Variants in CDKN2A observed in about 807,000 individuals in gnomAD.
The protein encoded by CDKN2A is cyclin dependent kinase inhibitor 2A.
In CDKN2A, 3 loss-of-function variants were observed where a neutral mutation model predicts 11.1. The ratio of observed to expected loss-of-function variants is 0.27; its 90% CI spans 0.12 to 0.70. The LOEUF (loss-of-function observed/expected upper bound fraction) is 0.70. Ranked by LOEUF, CDKN2A falls within the 30% of genes least tolerant of loss-of-function variation. The pLI, the probability that CDKN2A is intolerant of heterozygous loss-of-function variation, is 0.77. For synonymous variants in CDKN2A, 122 were observed against 108.1 expected (o/e 1.13, Z -0.80); for missense variants, 265 against 233.6 (o/e 1.13, Z -0.88).
intron 2 of CDKN2A, among the ~76,000 whole-genome samples, chr9:21,980,958 CA>C (rs1221729826): frequency 1.3e-4 from 3 of 23,164 alleles, no homozygotes; most frequent in African/African-American, 2.6e-4. Context: ...GACTCCGTCT[CA>C]AAAAAAAAAA....
At position 21,968,504 on chromosome 9, in the gene CDKN2A, C is replaced by T. The variant is rs918245925; in HGVS notation, c.458-262G>A. ...TCCACCCGGCGGAGGGCAGAGAAAG[C>T]GCGACCGCGCGGCCCGCAGGGTTGC... On this transcript the variant is annotated intron_variant, in intron 2 of 2. Transcript: ENST00000304494. The surrounding 1 kb of genome is among the most constrained non-coding windows in gnomAD (Gnocchi z 4.7). 3 of 1,451,670 alleles carry T rather than the reference C, an allele frequency of 2.1e-6. No individual in the cohort carries two copies. Among genetic ancestry groups the T allele is most frequent in the East Asian group, 2.5e-5 (1 of 40,302 alleles). The allele number at this position is 1,451,670 out of a possible 1,614,324, so 89.9% of individuals were successfully genotyped here.
chr9:21,977,544 T>C (rs895128061), upstream of CDKN2A, among the ~76,000 whole-genome samples: 1 of 152,134 alleles, frequency 6.6e-6, no homozygotes, highest in Non-Finnish European at 1.5e-5. Context: ...TTTTGTATTA[T>C]TAGTAGAGAC....
chr9:21,990,611 T>TGAGAGAGAGAGAGA (rs60431211), intron 2 of CDKN2A, among the ~76,000 whole-genome samples: 3,889 of 89,572 alleles, frequency 0.043, 369 homozygotes, highest in Admixed American at 0.076. Flanking sequence ...ACTAATTTGG[T>TGAGAGAGAGAGAGA]GAGAGAGAGA....
upstream of CDKN2A, among the ~76,000 whole-genome samples, chr9:21,976,789 C>T (rs1820046667): frequency 6.6e-6 from 1 of 152,152 alleles, no homozygotes; most frequent in Non-Finnish European, 1.5e-5. Flanking sequence ...TATGGGCACC[C>T]TCCACCACCC....
chr9:21,982,468 C>T (rs1208343442), intron 2 of CDKN2A, among the ~76,000 whole-genome samples: 22 of 149,576 alleles, frequency 1.5e-4, no homozygotes, highest in Admixed American at 1.4e-3. Flanking sequence ...TATTCCTTAA[C>T]TTTTTTGTAA....
At chr9:21,987,951 C>A (rs778214126) in intron 2 of CDKN2A, among the ~76,000 whole-genome samples, 6 of 152,142 alleles carry the variant, frequency 3.9e-5, no homozygotes, top group African/African-American at 7.2e-5. Context: ...ATTTTCTGAA[C>A]GTGAACCCCA....
rs201314211 is a variant in CDKN2A, at chr9:21,971,199, T to A, written c.160A>T (p.Met54Leu). 2 of 1,597,750 alleles carry A rather than the reference T, an allele frequency of 1.3e-6. No individual in the cohort carries two copies. The highest frequency in any genetic ancestry group is 1.7e-6 in the Non-Finnish European group (2 of 1,179,016). Reference protein sequence around the residue: ...YGRRPIQVMMMGSARVAELLL... With the variant: ...YGRRPIQVMMLGSARVAELLL... Reference sequence around the variant, plus strand: ...AGCTCCGCCACTCGGGCGCTGCCCATCATCATGACCTGCCAGAGAGAACAG... The same window carrying A: ...AGCTCCGCCACTCGGGCGCTGCCCAACATCATGACCTGCCAGAGAGAACAG... Residue 54 changes from methionine (M) to leucine (L), a missense_variant, in exon 2 of 3, where the codon ATG becomes TTG. Physicochemically the swap from Met to Leu is conservative, Grantham distance 15. Coordinates refer to ENST00000304494, the MANE Select transcript of CDKN2A (RefSeq NM_000077.5).
At position 21,968,923 on chromosome 9, in the gene CDKN2A, A is replaced by T. The variant is rs577699281; in HGVS notation, c.458-681T>A. Among the ~76,000 whole-genome samples, 5 of 152,206 alleles carry T rather than the reference A, an allele frequency of 3.3e-5. No individual in the cohort carries two copies. Among genetic ancestry groups the T allele is most frequent in the African/African-American group, 1.2e-4 (5 of 41,536 alleles). ...AAGATTATTTTATTCCTGAGGGAGC[A>T]TTTGCACTTGAAAGTCTCTTTTTAC... On this transcript the variant is annotated intron_variant, in intron 2 of 2. Coordinates refer to ENST00000304494, the MANE Select transcript of CDKN2A (RefSeq NM_000077.5). The surrounding 1 kb of genome is among the most constrained non-coding windows in gnomAD (Gnocchi z 4.7).
upstream of CDKN2A, among the ~76,000 whole-genome samples, chr9:21,977,123 T>C (rs1165335583): frequency 6.6e-6 from 1 of 152,236 alleles, no homozygotes; most frequent in Non-Finnish European, 1.5e-5. Context: ...ATTTGGGATG[T>C]CAAGTATGTT....
chr9:21,989,649 C>CCCTCCAAAACATCTA (rs1242756035), intron 2 of CDKN2A: 1 of 152,164 alleles, frequency 6.6e-6, no homozygotes, highest in East Asian at 1.9e-4. Context: ...ATCTACCCAT[C>CCCTCCAAAACATCTA]CCCTCCAAAA....
intron 2 of CDKN2A, among the ~76,000 whole-genome samples, chr9:21,986,446 G>A (rs1164933279): frequency 1.3e-5 from 2 of 151,874 alleles, no homozygotes; most frequent in African/African-American, 4.8e-5. Context: ...GGGGTTAAGC[G>A]ACTTTCAAAA....
chr9:21,993,842 T>C, intron 2 of CDKN2A: 1 of 471,990 alleles, frequency 2.1e-6, no homozygotes, highest in Non-Finnish European at 3.9e-6. Context: ...TGTGTGTGTG[T>C]GTGTCTTAGT....
At chr9:21,973,839 T>TA (rs34325814) in intron 1 of CDKN2A, among the ~76,000 whole-genome samples, 5,668 of 152,314 alleles carry the variant, frequency 0.037, 141 homozygotes, top group Middle Eastern at 0.075. Flanking sequence ...CCTACTCAGT[T>TA]AAAAATAAAC....
At position 21,968,400 on chromosome 9, in the gene CDKN2A, C is replaced by T. The variant is rs1819515462; in HGVS notation, c.458-158G>A. The T allele has an allele frequency of 1.0e-6, 1 of 972,416 alleles. No individual in the cohort carries two copies. Among genetic ancestry groups the T allele is most frequent in the Non-Finnish European group, 1.2e-6 (1 of 818,006 alleles). The allele number at this position is 972,416 out of a possible 1,614,324, so 60.2% of individuals were successfully genotyped here. On this transcript the variant is annotated intron_variant, in intron 2 of 2. Transcript: ENST00000304494. This position sits in a 1 kb window ranked among gnomAD's most constrained non-coding sequence, Gnocchi z 4.7. ...TGCATGTACCCGCCGCCACCGCTCTCCCACACCTCCCTGGTCCAGCAGCTA... is the reference window on the plus strand; with the variant it reads ...TGCATGTACCCGCCGCCACCGCTCTTCCACACCTCCCTGGTCCAGCAGCTA...
intron 1 of CDKN2A, among the ~76,000 whole-genome samples, chr9:21,973,695 A>G (rs1587337183): frequency 6.6e-6 from 1 of 152,366 alleles, no homozygotes; most frequent in East Asian, 1.9e-4. Context: ...TATATCAAGT[A>G]AGCTAAAGAT....
intron 1 of CDKN2A, among the ~76,000 whole-genome samples, chr9:21,971,873 T>A (rs1192635308): frequency 6.6e-6 from 1 of 152,252 alleles, no homozygotes; most frequent in East Asian, 1.9e-4. Flanking sequence ...ATATTTGACA[T>A]TTTTGTCAAA....
intron 2 of CDKN2A, among the ~76,000 whole-genome samples, chr9:21,981,365 A>T (rs552670580): frequency 8.6e-5 from 13 of 151,254 alleles, no homozygotes; most frequent in Non-Finnish European, 1.9e-4. Context: ...AGTCTGGAAA[A>T]GCTCCCATAA....
At position 21,988,801 on chromosome 9, in the gene CDKN2A, C is replaced by T. The variant is rs3731202; in HGVS notation, c.-4+5081G>A. ...AGGCACTATATTTTTAAAAATACCA[C>T]TATGTACAAGGCACTGTGCTATATC... On this transcript the variant is annotated intron_variant, in intron 2 of 3. Transcript: ENST00000494262. The surrounding 1 kb of genome is among the most constrained non-coding windows in gnomAD (Gnocchi z 4.1). 0.016 allele frequency among the ~76,000 whole-genome samples: 2,392 copies of T among 152,272 alleles called. 64 individuals are homozygous for T. The highest frequency in any genetic ancestry group is 0.053 in the African/African-American group (2,183 of 41,530).
chr9:21,971,172 G>A lies in CDKN2A; in HGVS notation c.187C>T (p.Leu63=). The A allele has an allele frequency of 6.3e-7, 1 of 1,595,882 alleles. No individual in the cohort carries two copies. The highest frequency in any genetic ancestry group is 8.5e-7 in the Non-Finnish European group (1 of 1,178,072). ...MMGSARVAEL[L]LLHGAEPNCA... is the part of the protein sequence containing the mutation. ...TTGGGCTCCGCGCCGTGGAGCAGCA[G>A]CAGCTCCGCCACTCGGGCGCTGCCC... The change falls in exon 2 of 3, where the codon CTG becomes TTG. Residue 63 remains leucine, a synonymous_variant. Transcript: ENST00000304494.
Sources: allele counts gnomAD v4.1 joint callset (sites outside exome capture counted in the v4.1 genomes callset), GRCh38; gene constraint gnomAD v4.1.1; non-coding constraint Gnocchi (gnomAD v3.1); transcripts MANE v1.5; gene names NCBI Gene and HGNC (gene_info 2026-07-23, HGNC 2026-07-21).